DLG2: variants seen among roughly 807,000 people sequenced by gnomAD.
DLG2 encodes the protein discs large MAGUK scaffold protein 2.
A neutral mutation model predicts 132.5 loss-of-function variants in DLG2; 45 were observed. The observed-to-expected ratio is 0.34, with a 90% CI of 0.27 to 0.44. The LOEUF is 0.44. DLG2 is among the 20% of genes least tolerant of loss of function. The pLI is 1.00. For missense variants in DLG2, 1,045 were observed against 1,196.9 expected, an observed-to-expected ratio of 0.87 and a Z score of 1.87; for synonymous variants, 424 against 419.6, an observed-to-expected ratio of 1.01 and a Z score of -0.13.
intron 21 of DLG2, among the ~76,000 whole-genome samples, chr11:83,513,710 G>A (rs12279615): frequency 0.2 from 30,012 of 152,092 alleles, 3,173 homozygotes; most frequent in Non-Finnish European, 0.21. Context: ...TTTGTATGAG[G>A]TGTAAGGAAG....
chr11:83,886,379 A>T (rs1414678453), intron 15 of DLG2, among the ~76,000 whole-genome samples: 3 of 152,240 alleles, frequency 2.0e-5, no homozygotes, highest in African/African-American at 4.8e-5. Context: ...AAAGGGATCA[A>T]TTCAACAAGA....
At chr11:84,382,415 T>G (rs2098751940) in intron 7 of DLG2, among the ~76,000 whole-genome samples, 1 of 151,918 alleles carries the variant, frequency 6.6e-6, no homozygotes, top group East Asian at 1.9e-4. Flanking sequence ...TTATTGCTGA[T>G]GAAAAAAATT....
At chr11:85,447,188 C>T (rs945785856) in intron 3 of DLG2, among the ~76,000 whole-genome samples, 2 of 152,104 alleles carry the variant, frequency 1.3e-5, no homozygotes, top group Admixed American at 6.5e-5. Flanking sequence ...GATAATCTAG[C>T]TTTCACTTCT....
intron 10 of DLG2, among the ~76,000 whole-genome samples, chr11:84,063,749 A>G (rs1203329530): frequency 1.3e-5 from 2 of 152,192 alleles, no homozygotes; most frequent in East Asian, 1.9e-4. Flanking sequence ...TTAAGAAAAT[A>G]TGGCACATAT....
chr11:84,288,728 G>A (rs1206993276), intron 7 of DLG2, among the ~76,000 whole-genome samples: 17 of 152,068 alleles, frequency 1.1e-4, no homozygotes, highest in African/African-American at 3.9e-4. Flanking sequence ...ATGAAGTCAA[G>A]ACAGTGATAT....
intron 15 of DLG2, 81 bp from the exon 16 acceptor site, chr11:83,874,569 G>C: frequency 1.8e-6 from 2 of 1,139,474 alleles, no homozygotes; most frequent in Non-Finnish European, 2.4e-6. Context: ...TAAGTTTTAG[G>C]GTACATGTGC....
chr11:85,054,250 C>T (rs997105536), intron 6 of DLG2, among the ~76,000 whole-genome samples: 3 of 145,718 alleles, frequency 2.1e-5, no homozygotes, highest in Admixed American at 7.0e-5. Context: ...GGCGACAGAA[C>T]GAGATTCCAC....
chr11:85,450,506 T>C (rs932191673), intron 3 of DLG2, among the ~76,000 whole-genome samples: 5 of 152,224 alleles, frequency 3.3e-5, no homozygotes, highest in African/African-American at 1.2e-4. Context: ...ATCTTCTTTT[T>C]TGGCCCCCAC....
At chr11:83,806,977 G>C (rs978134439) in intron 17 of DLG2, among the ~76,000 whole-genome samples, 15 of 152,176 alleles carry the variant, frequency 9.9e-5, no homozygotes, top group Non-Finnish European at 2.1e-4. Context: ...CTGCCATCTT[G>C]AATGTGGACT....
chr11:83,557,475 T>C (rs766407510), intron 19 of DLG2, among the ~76,000 whole-genome samples: 1 of 152,244 alleles, frequency 6.6e-6, no homozygotes, highest in African/African-American at 2.4e-5. Context: ...AATTTCTCGT[T>C]ACCTCCAATT....
intron 18 of DLG2, among the ~76,000 whole-genome samples, chr11:83,744,920 T>A (rs1404417107): frequency 3.9e-5 from 6 of 152,212 alleles, no homozygotes; most frequent in Admixed American, 2.0e-4. Flanking sequence ...TTCCAGAACC[T>A]TTCATGTTGA....
intron 18 of DLG2, among the ~76,000 whole-genome samples, chr11:83,658,495 C>G (rs1295120687): frequency 6.6e-6 from 1 of 152,188 alleles, no homozygotes. Flanking sequence ...TTCTTAGTAG[C>G]TAAAGTATAT....
At chr11:84,254,962 G>C (rs2097442678) in intron 7 of DLG2, among the ~76,000 whole-genome samples, 2 of 152,174 alleles carry the variant, frequency 1.3e-5, no homozygotes, top group African/African-American at 4.8e-5. Context: ...GACTGCCAAA[G>C]AGATGCCACG....
Position 84,971,733 on chromosome 11 carries a change from C to T in DLG2, c.357+139928G>A, listed in dbSNP as rs569313297. Among the ~76,000 whole-genome samples, 13 of 151,654 alleles carry T rather than the reference C, an allele frequency of 8.6e-5. No individual in the cohort carries two copies. The East Asian group carries it at 1.9e-3, about 23-fold the overall frequency. ...AAAGCCCTACAGTCATGTTAAATGA[C>T]CTAGAGAAAACTTCAAAATCAGCCC... On this transcript the variant is annotated intron_variant, in intron 6 of 27. Coordinates refer to ENST00000376104, the MANE Select transcript of DLG2 (RefSeq NM_001142699.3).
At chr11:83,725,702 C>A (rs1000608556) in intron 18 of DLG2, among the ~76,000 whole-genome samples, 1 of 152,168 alleles carries the variant, frequency 6.6e-6, no homozygotes, top group Admixed American at 6.5e-5. Context: ...GAAACCAGGA[C>A]GATTTAGATT....
intron 8 of DLG2, among the ~76,000 whole-genome samples, chr11:84,246,116 C>A (rs1336338870): frequency 1.3e-5 from 2 of 152,234 alleles, no homozygotes; most frequent in African/African-American, 4.8e-5. Context: ...CAACCTGGTA[C>A]AATGGCACCC....
chr11:83,824,493 T>C (rs1251928445), intron 17 of DLG2, among the ~76,000 whole-genome samples: 1 of 152,200 alleles, frequency 6.6e-6, no homozygotes, highest in Non-Finnish European at 1.5e-5. Context: ...GGTGAAAATT[T>C]ACTTCCGTCA....
chr11:84,026,012 T>A (rs1046229242), intron 11 of DLG2, among the ~76,000 whole-genome samples: 1 of 152,252 alleles, frequency 6.6e-6, no homozygotes, highest in Non-Finnish European at 1.5e-5. Context: ...TTAAAAAAAA[T>A]TATTTCCAGA....
In DLG2 at chr11:83,456,387, G is replaced by T. The variant is rs1400204964; in HGVS notation, c.*3431C>A. 1 of 152,740 alleles carries T rather than the reference G, an allele frequency of 6.5e-6. No individual in the cohort carries two copies. Among genetic ancestry groups the T allele is most frequent in the African/African-American group, 2.4e-5 (1 of 41,462 alleles). The allele number at this position is 152,740 out of a possible 1,614,324, so 9.5% of individuals were successfully genotyped here. A position where few individuals can be genotyped will look rare whatever the true frequency, so the allele number is the denominator to read the frequency against. On this transcript the variant is annotated 3_prime_UTR_variant, in exon 28 of 28. Coordinates refer to ENST00000376104, the MANE Select transcript of DLG2 (RefSeq NM_001142699.3). ...TGAGTAGGTGAAACGGCGACCTAAAGTATTTGTGTCATTAGTCCAGTGCAT... is the reference window on the plus strand; with the variant it reads ...TGAGTAGGTGAAACGGCGACCTAAATTATTTGTGTCATTAGTCCAGTGCAT...
Sources: allele counts gnomAD v4.1 joint callset (sites outside exome capture counted in the v4.1 genomes callset), GRCh38; gene constraint gnomAD v4.1.1; transcripts MANE v1.5; gene names NCBI Gene and HGNC (gene_info 2026-07-23, HGNC 2026-07-21).